The following PCDHA12 variants were observed in gnomAD, a reference collection of about 807,000 sequenced individuals.
The protein encoded by PCDHA12 is protocadherin alpha 12.
A neutral mutation model predicts 60.0 loss-of-function variants in PCDHA12; 44 were observed. That is an observed-to-expected ratio of 0.73 (90% CI 0.58 to 0.94). The LOEUF is 0.94. Ranked by LOEUF, PCDHA12 falls within the 40% of genes least tolerant of loss-of-function variation. The pLI is 0.00. For missense variants in PCDHA12, 1,276 were observed against 1,239.7 expected (o/e 1.03, Z -0.44); for synonymous variants, 569 against 553.0 (o/e 1.03, Z -0.40).
chr5:140,903,180 T>C (rs149488870), intron 1 of PCDHA12, among the ~76,000 whole-genome samples: 1,613 of 152,324 alleles, frequency 0.011, 17 homozygotes, highest in African/African-American at 0.028. Context: ...TTCCCACCAA[T>C]AGTATAAAAG....
intron 1 of PCDHA12, among the ~76,000 whole-genome samples, chr5:140,931,140 G>C (rs1176305397): frequency 6.6e-6 from 1 of 152,070 alleles, no homozygotes; most frequent in African/African-American, 2.4e-5. Context: ...TATTTGCAGT[G>C]GATACTATTT....
intron 1 of PCDHA12, chr5:140,927,559 G>C: frequency 6.2e-7 from 1 of 1,614,170 alleles, no homozygotes; most frequent in Non-Finnish European, 8.5e-7. Flanking sequence ...CACCATCATT[G>C]TGGTGGACAC....
intron 1 of PCDHA12, among the ~76,000 whole-genome samples, chr5:140,897,559 G>A (rs1554187454): frequency 6.6e-6 from 1 of 152,026 alleles, no homozygotes; most frequent in African/African-American, 2.4e-5. Context: ...TGGTGTATAT[G>A]TGCCACATTT....
chr5:140,927,290 T>A (rs1563090312), intron 1 of PCDHA12: 2 of 1,614,054 alleles, frequency 1.2e-6, no homozygotes, highest in Admixed American at 1.7e-5. Context: ...CAGCTGCACA[T>A]CCCCGAGTTC....
intron 1 of PCDHA12, among the ~76,000 whole-genome samples, chr5:140,897,443 G>GT (rs1562897655): frequency 6.7e-6 from 1 of 149,986 alleles, no homozygotes; most frequent in Non-Finnish European, 1.5e-5. Flanking sequence ...GCAGTGTTTG[G>GT]TTTTTTGTCC....
chr5:140,886,455 A>G (rs1554182545), intron 1 of PCDHA12, among the ~76,000 whole-genome samples: 1 of 152,186 alleles, frequency 6.6e-6, no homozygotes, highest in African/African-American at 2.4e-5. Flanking sequence ...ATTTTGTCAT[A>G]TATAAATGTT....
At chr5:141,004,117 G>A (rs2098153806) in intron 3 of PCDHA12, among the ~76,000 whole-genome samples, 1 of 152,236 alleles carries the variant, frequency 6.6e-6, no homozygotes. Flanking sequence ...TCAAAAGGGA[G>A]TATCTCCATG....
chr5:140,879,475 A>G (rs567061434), intron 1 of PCDHA12, among the ~76,000 whole-genome samples: 1 of 152,326 alleles, frequency 6.6e-6, no homozygotes, highest in Non-Finnish European at 1.5e-5. Flanking sequence ...TACCGTTGTG[A>G]TTGGAAATAT....
At chr5:140,984,869 T>C (rs1587042657) in intron 3 of PCDHA12, among the ~76,000 whole-genome samples, 1 of 152,174 alleles carries the variant, frequency 6.6e-6, no homozygotes, top group East Asian at 1.9e-4. Flanking sequence ...ACCTATTTTA[T>C]TGAGTTACCA....
At chr5:140,963,128 T>A (rs1283011021) in intron 1 of PCDHA12, among the ~76,000 whole-genome samples, 1 of 152,144 alleles carries the variant, frequency 6.6e-6, no homozygotes, top group African/African-American at 2.4e-5. Context: ...AGAGATAATA[T>A]TAAATTATTT....
At chr5:140,879,375 C>T (rs2057967921) in intron 1 of PCDHA12, among the ~76,000 whole-genome samples, 1 of 152,076 alleles carries the variant, frequency 6.6e-6, no homozygotes, top group Non-Finnish European at 1.5e-5. Context: ...ACCTGCAGAA[C>T]AAGGTTGGAG....
chr5:141,010,001 A>G lies in PCDHA12; in HGVS notation c.*64A>G. The G allele has an allele frequency of 6.4e-7, 1 of 1,574,588 alleles. No homozygotes were observed. The highest frequency in any genetic ancestry group is 8.6e-7 in the Non-Finnish European group (1 of 1,164,348). On this transcript the variant is annotated 3_prime_UTR_variant, in exon 4 of 4. Transcript: ENST00000398631. ...TAATAATGGCAAATCTCTCCCATGT[A>G]GCAATTCCCTGCTCCTTTTTCCTAT...
At chr5:141,001,032 TTTAA>T (rs1332637304) in intron 3 of PCDHA12, among the ~76,000 whole-genome samples, 3 of 152,348 alleles carry the variant, frequency 2.0e-5, no homozygotes, top group Middle Eastern at 3.4e-3. Flanking sequence ...TAATAATAGC[TTTAA>T]TTAATTGTAA....
rs782379229 is a variant in PCDHA12, at chr5:140,927,578, A to G, written c.2367+49739A>G. ...ATCATTGTGGTGGACACAAATGACAACGCGCCTGTATTTGAGCGCTCCGTA... is the reference window on the plus strand; with the variant it reads ...ATCATTGTGGTGGACACAAATGACAGCGCGCCTGTATTTGAGCGCTCCGTA... On this transcript the variant is annotated intron_variant, in intron 1 of 3. Transcript: ENST00000398631. 1.5e-5 allele frequency: 24 copies of G among 1,614,024 alleles called. No homozygotes were observed. The highest frequency in any genetic ancestry group is 2.0e-5 in the Non-Finnish European group (24 of 1,180,026).
At chr5:140,915,273 A>C (rs2077054431) in intron 1 of PCDHA12, among the ~76,000 whole-genome samples, 1 of 152,090 alleles carries the variant, frequency 6.6e-6, no homozygotes, top group South Asian at 2.1e-4. Flanking sequence ...TGACCAGTTC[A>C]TCATTTACTC....
chr5:140,960,575 A>G (rs990834964), intron 1 of PCDHA12, among the ~76,000 whole-genome samples: 4 of 152,186 alleles, frequency 2.6e-5, no homozygotes, highest in Non-Finnish European at 2.9e-5. Flanking sequence ...AAACAGTTGG[A>G]AAACAGTTCA....
At chr5:140,976,523 C>T in intron 1 of PCDHA12, among the ~76,000 whole-genome samples, 1 of 151,724 alleles carries the variant, frequency 6.6e-6, no homozygotes. Flanking sequence ...TGCACACCAG[C>T]CTAAATGACA....
intron 3 of PCDHA12, among the ~76,000 whole-genome samples, chr5:140,986,632 A>T (rs1262339478): frequency 6.6e-6 from 1 of 152,170 alleles, no homozygotes; most frequent in African/African-American, 2.4e-5. Flanking sequence ...AGGCAACAGT[A>T]CATTAGTTTT....
intron 1 of PCDHA12, chr5:140,966,609 G>A: frequency 1.4e-6 from 1 of 702,876 alleles, no homozygotes; most frequent in Non-Finnish European, 2.1e-6. Flanking sequence ...CCTTGGGAGG[G>A]CCTACGGAGG....
Sources: allele counts gnomAD v4.1 joint callset (sites outside exome capture counted in the v4.1 genomes callset), GRCh38; gene constraint gnomAD v4.1.1; transcripts MANE v1.5; gene names NCBI Gene and HGNC (gene_info 2026-07-23, HGNC 2026-07-21).